B3GALT1: variants seen among roughly 807,000 people sequenced by gnomAD.
The protein encoded by B3GALT1 is UDP-Gal:betaGlcNAc beta 1,3-galactosyltransferase, polypeptide 1.
Under a neutral mutation model 23.2 loss-of-function variants are expected in B3GALT1, and 10 were observed. That is an observed-to-expected ratio of 0.43 (90% confidence interval 0.27 to 0.73). The LOEUF (loss-of-function observed/expected upper bound fraction) is 0.73, where lower values mean the gene tolerates loss of function less well. Ranked by LOEUF, B3GALT1 falls within the 30% of genes least tolerant of loss-of-function variation. B3GALT1 has a pLI of 0.21. For synonymous variants in B3GALT1, 156 were observed against 141.5 expected, an observed-to-expected ratio of 1.10 and a Z score of -0.73; for missense variants, 299 against 405.4, an observed-to-expected ratio of 0.74 and a Z score of 2.25.
intron 2 of B3GALT1, among the ~76,000 whole-genome samples, chr2:167,616,977 A>G (rs1341035607): frequency 6.6e-6 from 1 of 152,144 alleles, no homozygotes; most frequent in African/African-American, 2.4e-5. Flanking sequence ...TGAAAGAAAT[A>G]TAATAACCAA....
chr2:167,721,955 A>G (rs900185869), intron 3 of B3GALT1, among the ~76,000 whole-genome samples: 1 of 152,200 alleles, frequency 6.6e-6, no homozygotes, highest in Non-Finnish European at 1.5e-5. Context: ...TTTGTCTCTA[A>G]TGATAAATAT....
intron 3 of B3GALT1, among the ~76,000 whole-genome samples, chr2:167,679,507 G>A (rs977958220): frequency 2.6e-5 from 4 of 152,276 alleles, no homozygotes; most frequent in African/African-American, 9.6e-5. Context: ...GCCCACCTCG[G>A]CCTCCCGAAG....
At chr2:167,724,479 A>C (rs1574232009) in intron 3 of B3GALT1, among the ~76,000 whole-genome samples, 1 of 152,214 alleles carries the variant, frequency 6.6e-6, no homozygotes, top group Non-Finnish European at 1.5e-5. Context: ...TTATGCCTCT[A>C]TAGTAGTTTT....
intron 2 of B3GALT1, among the ~76,000 whole-genome samples, chr2:167,603,855 A>G (rs907118585): frequency 6.6e-6 from 1 of 152,200 alleles, no homozygotes; most frequent in Non-Finnish European, 1.5e-5. Flanking sequence ...GTGAGATGTA[A>G]ACATTTCTTC....
intron 1 of B3GALT1, among the ~76,000 whole-genome samples, chr2:167,475,140 G>A (rs894772484): frequency 7.2e-5 from 11 of 151,978 alleles, no homozygotes; most frequent in African/African-American, 2.2e-4. Flanking sequence ...AGTAAATTTC[G>A]GAAATCAAGT....
chr2:167,341,926 A>G (rs1697153835), intron 1 of B3GALT1, among the ~76,000 whole-genome samples: 1 of 152,158 alleles, frequency 6.6e-6, no homozygotes, highest in East Asian at 1.9e-4. Flanking sequence ...ACCTTATTAC[A>G]TTCTTAGTGA....
At position 167,631,578 on chromosome 2, in the gene B3GALT1, CTTAA is replaced by C. The variant is rs779203945; in HGVS notation, c.-409-15318_-409-15315del. ...AAAATTTTTTTTACTAATCTGGGTT[CTTAA>C]TTAATTAATTAAAGTACAGATTGTT... is the stretch of plus-strand genomic sequence containing the variant. On this transcript the variant is annotated intron_variant, in intron 2 of 4. Coordinates refer to ENST00000392690, the MANE Select transcript of B3GALT1 (RefSeq NM_020981.4). The C allele has an allele frequency of 2.3e-4, 35 of 151,592 alleles. 1 individual carries two copies. In the East Asian group the frequency reaches 3.1e-3, roughly 13 times the overall value. 9.4% of individuals were successfully genotyped at this position (151,592 alleles called of 1,614,324 possible).
chr2:167,705,084 A>T (rs1686948104), intron 3 of B3GALT1, among the ~76,000 whole-genome samples: 1 of 152,104 alleles, frequency 6.6e-6, no homozygotes, highest in Non-Finnish European at 1.5e-5. Flanking sequence ...CTGCTTGTGT[A>T]TTTGACTCTC....
At chr2:167,669,691 T>G (rs1686286656) in intron 3 of B3GALT1, among the ~76,000 whole-genome samples, 1 of 152,242 alleles carries the variant, frequency 6.6e-6, no homozygotes, top group African/African-American at 2.4e-5. Flanking sequence ...TTCAAATATT[T>G]TATTCTTTGA....
intron 4 of B3GALT1, among the ~76,000 whole-genome samples, chr2:167,852,494 G>GTGTT (rs1464770315): frequency 6.6e-6 from 1 of 151,880 alleles, no homozygotes; most frequent in East Asian, 1.9e-4. Context: ...GTGTGTGTGT[G>GTGTT]TGTGTGTGTG....
chr2:167,515,188 A>G (rs889441265), intron 2 of B3GALT1, among the ~76,000 whole-genome samples: 4 of 152,168 alleles, frequency 2.6e-5, no homozygotes, highest in Non-Finnish European at 5.9e-5. Flanking sequence ...AGCTGGAGCT[A>G]ACCTAAAATA....
intron 3 of B3GALT1, among the ~76,000 whole-genome samples, chr2:167,763,376 A>G (rs917863156): frequency 2.0e-5 from 3 of 152,226 alleles, no homozygotes; most frequent in Admixed American, 2.0e-4. Context: ...CAGTTTATCA[A>G]TAAAAAAGTA....
At chr2:167,312,357 A>G (rs779361626) in intron 1 of B3GALT1, among the ~76,000 whole-genome samples, 1 of 152,068 alleles carries the variant, frequency 6.6e-6, no homozygotes, top group Non-Finnish European at 1.5e-5. Flanking sequence ...GTGAAGTTAA[A>G]TTGGTTCTTT....
At chr2:167,628,253 C>T (rs1329418558) in intron 2 of B3GALT1, among the ~76,000 whole-genome samples, 1 of 151,402 alleles carries the variant, frequency 6.6e-6, no homozygotes, top group Non-Finnish European at 1.5e-5. Context: ...AAACTAAGAC[C>T]CTTTATACAT....
chr2:167,770,119 T>G (rs1268394655), intron 3 of B3GALT1, among the ~76,000 whole-genome samples: 1 of 152,184 alleles, frequency 6.6e-6, no homozygotes, highest in Admixed American at 6.5e-5. Context: ...TTTGTTTTGT[T>G]TTTTTGAGAC....
intron 2 of B3GALT1, among the ~76,000 whole-genome samples, chr2:167,592,704 G>T (rs982676204): frequency 1.3e-5 from 2 of 152,078 alleles, no homozygotes; most frequent in Non-Finnish European, 2.9e-5. Flanking sequence ...CAGTTTAATG[G>T]TTTCTATCTT....
At chr2:167,462,961 CAG>C (rs1366459470) in intron 1 of B3GALT1, among the ~76,000 whole-genome samples, 2 of 152,066 alleles carry the variant, frequency 1.3e-5, no homozygotes, top group East Asian at 1.9e-4. Context: ...CACTTTTCCT[CAG>C]AGTTTTTGAG....
At chr2:167,464,354 G>T (rs924634924) in intron 1 of B3GALT1, among the ~76,000 whole-genome samples, 1 of 152,086 alleles carries the variant, frequency 6.6e-6, no homozygotes, top group African/African-American at 2.4e-5. Context: ...GAAGAATTGA[G>T]TTTACCCTAT....
rs188080395 is a variant in B3GALT1 at position 167,373,364 on chromosome 2, T to G, written c.-511+80030T>G. 1.3e-5 allele frequency among the ~76,000 whole-genome samples: 2 copies of G among 152,206 alleles called. 1 individual carries two copies. Among genetic ancestry groups the G allele is most frequent in the East Asian group, 3.9e-4 (2 of 5,174 alleles). ...AAGAACATAATAAGTAAATTGTTTT[T>G]TATCTAAATTTAAAACATCTGCTCT... On this transcript the variant is annotated intron_variant, in intron 1 of 4. Transcript: ENST00000392690.
Sources: gnomAD v4.1 joint callset for allele counts (sites outside exome capture counted in the v4.1 genomes callset) on GRCh38, gnomAD v4.1.1 for gene constraint, MANE v1.5 for transcripts, NCBI Gene and HGNC (gene_info 2026-07-23, HGNC 2026-07-21) for gene names.